SCARA5: variants seen among roughly 807,000 people sequenced by gnomAD.
SCARA5 encodes the protein scavenger receptor class A member 5.
In SCARA5, 45 loss-of-function variants were observed where a neutral mutation model predicts 46.3. That is an observed-to-expected ratio of 0.97 (90% CI 0.76 to 1.24). The LOEUF is 1.24. SCARA5 is among the 50% of genes most tolerant of loss of function. The probability of loss-of-function intolerance (pLI) is 0.00; values close to 1 mark genes in which losing one functional copy is unlikely to be tolerated. For synonymous variants in SCARA5, 333 were observed against 306.5 expected, an observed-to-expected ratio of 1.09 and a Z score of -0.90; for missense variants, 680 against 689.0, an observed-to-expected ratio of 0.99 and a Z score of 0.15.
At chr8:27,935,302 A>T (rs1041026095) in intron 3 of SCARA5, among the ~76,000 whole-genome samples, 2 of 152,182 alleles carry the variant, frequency 1.3e-5, no homozygotes, top group Admixed American at 1.3e-4. Context: ...GCAGGAGACC[A>T]GTGTCATTAA....
chr8:27,900,690 C>T (rs935073423), intron 7 of SCARA5, among the ~76,000 whole-genome samples: 32 of 151,972 alleles, frequency 2.1e-4, no homozygotes, highest in African/African-American at 7.7e-4. Flanking sequence ...TCTTCACCCA[C>T]CCCTTAGTTG....
intron 3 of SCARA5, among the ~76,000 whole-genome samples, chr8:27,924,493 T>C (rs1807650743): frequency 6.6e-6 from 1 of 152,232 alleles, no homozygotes; most frequent in African/African-American, 2.4e-5. Flanking sequence ...CTCACAGGGC[T>C]GAAGGGGTCT....
intron 3 of SCARA5, among the ~76,000 whole-genome samples, chr8:27,938,398 G>A (rs1208531417): frequency 6.6e-6 from 1 of 152,140 alleles, no homozygotes; most frequent in Non-Finnish European, 1.5e-5. Flanking sequence ...CTTTCATGGG[G>A]TTTGTTGGTG....
chr8:27,901,591 T>A (rs1585474560), intron 7 of SCARA5, among the ~76,000 whole-genome samples: 2 of 152,114 alleles, frequency 1.3e-5, no homozygotes, highest in Admixed American at 6.5e-5. Flanking sequence ...CTTCTGGGAC[T>A]GGAATTCCCT....
intron 3 of SCARA5, among the ~76,000 whole-genome samples, chr8:27,961,096 G>A (rs570091192): frequency 3.9e-5 from 6 of 152,268 alleles, no homozygotes; most frequent in South Asian, 2.1e-4. Flanking sequence ...CAAAGAAAAC[G>A]AAGAAAAAGT....
chr8:27,944,740 G>C (rs1451622965), intron 3 of SCARA5, among the ~76,000 whole-genome samples: 3 of 150,484 alleles, frequency 2.0e-5, no homozygotes, highest in Non-Finnish European at 4.4e-5. Flanking sequence ...CATGGTGGCA[G>C]TTGCCTGCAA....
intron 7 of SCARA5, among the ~76,000 whole-genome samples, chr8:27,892,679 G>T (rs1313770041): frequency 2.1e-5 from 3 of 141,634 alleles, no homozygotes; most frequent in Admixed American, 7.6e-5. Context: ...GTGCGATCTT[G>T]GCTCACTCAA....
rs374185045 is a variant in SCARA5, at chr8:27,929,214, G to A, written c.242-6969C>T. On this transcript the variant is annotated intron_variant, in intron 3 of 8. Transcript: ENST00000354914. Reference sequence around the variant, plus strand: ...TGGCTTGCCCCTGCACATCCACTGCGACCTTCTCATCTGCACAGCACTGCC... The same window carrying A: ...TGGCTTGCCCCTGCACATCCACTGCAACCTTCTCATCTGCACAGCACTGCC... 3.0e-4 allele frequency among the ~76,000 whole-genome samples: 45 copies of A among 152,230 alleles called. 4 individuals carry two copies. The East Asian group carries it at 3.7e-3, about 12-fold the overall frequency.
chr8:27,975,540 C>T (rs1021236227), intron 2 of SCARA5, among the ~76,000 whole-genome samples: 3 of 152,202 alleles, frequency 2.0e-5, no homozygotes, highest in African/African-American at 7.2e-5. Flanking sequence ...CCAGGTGCAT[C>T]GCATCAGGAT....
intron 2 of SCARA5, among the ~76,000 whole-genome samples, chr8:27,970,203 A>T (rs1169978863): frequency 6.6e-6 from 1 of 152,080 alleles, no homozygotes; most frequent in East Asian, 1.9e-4. Context: ...GCTGACAGCC[A>T]TGTAGGTGAG....
chr8:27,959,549 G>A (rs1378576545), intron 3 of SCARA5, among the ~76,000 whole-genome samples: 2 of 152,316 alleles, frequency 1.3e-5, no homozygotes, highest in South Asian at 2.1e-4. Context: ...ACCAATCATT[G>A]CAATACAGCA....
chr8:27,987,430 T>C lies in SCARA5; in HGVS notation c.112+74A>G, dbSNP rs563093193. The C allele has an allele frequency of 3.5e-4, 334 of 943,854 alleles. 7 individuals are homozygous for C. In the South Asian group the frequency reaches 4.2e-3, roughly 12 times the overall value. 58.5% of individuals were successfully genotyped at this position (943,854 alleles called of 1,614,324 possible). ...CAAGCACTTAAAGGCAATGCCAAGG[T>C]TGGGTGGTGGTAGGGCTCCTTCCCC... On this transcript the variant is annotated intron_variant, in intron 2 of 8. Transcript: ENST00000354914.
At chr8:27,915,626 A>G (rs777773762) in intron 4 of SCARA5, among the ~76,000 whole-genome samples, 23 of 152,166 alleles carry the variant, frequency 1.5e-4, no homozygotes, top group Non-Finnish European at 2.9e-4. Flanking sequence ...TGGACTCTCT[A>G]ATAGATTGTG....
At chr8:27,974,469 G>A (rs561715659) in intron 2 of SCARA5, among the ~76,000 whole-genome samples, 13 of 152,000 alleles carry the variant, frequency 8.6e-5, no homozygotes, top group African/African-American at 2.7e-4. Flanking sequence ...AAAACAGAAG[G>A]CAATGATTCC....
At chr8:27,882,217 T>G (rs1463879482) in intron 7 of SCARA5, among the ~76,000 whole-genome samples, 1 of 152,250 alleles carries the variant, frequency 6.6e-6, no homozygotes, top group Non-Finnish European at 1.5e-5. Flanking sequence ...TTTTCATGGC[T>G]TCATAGCTCC....
intron 7 of SCARA5, among the ~76,000 whole-genome samples, chr8:27,882,574 T>A (rs1806828365): frequency 6.6e-6 from 1 of 152,152 alleles, no homozygotes; most frequent in Non-Finnish European, 1.5e-5. Flanking sequence ...CCTGATTTGG[T>A]CATTCATGTT....
chr8:27,920,552 T>C (rs1807565600), intron 4 of SCARA5, among the ~76,000 whole-genome samples: 1 of 148,048 alleles, frequency 6.8e-6, no homozygotes, highest in South Asian at 2.1e-4. Context: ...AGGTGGAGGT[T>C]GCAGTGAGGG....
At chr8:27,891,199 G>GTTTTTT (rs1211256366) in intron 7 of SCARA5, among the ~76,000 whole-genome samples, 1 of 43,454 alleles carries the variant, frequency 2.3e-5, no homozygotes, top group Non-Finnish European at 7.3e-5. Flanking sequence ...CAATAGGTTT[G>GTTTTTT]TTTTTTTTTT....
At chr8:27,898,886 G>A (rs1585472612) in intron 7 of SCARA5, among the ~76,000 whole-genome samples, 2 of 19,860 alleles carry the variant, frequency 1.0e-4, no homozygotes, top group Non-Finnish European at 4.5e-4. Context: ...GTTCAGAGAG[G>A]TGCAGTGCTG....
Sources: gnomAD v4.1 joint callset for allele counts (sites outside exome capture counted in the v4.1 genomes callset) on GRCh38, gnomAD v4.1.1 for gene constraint, MANE v1.5 for transcripts, NCBI Gene and HGNC (gene_info 2026-07-23, HGNC 2026-07-21) for gene names.